RHD: variants seen among roughly 807,000 people sequenced by gnomAD.
The protein encoded by RHD is blood group Rh(D) polypeptide.
RHD carries 16 observed loss-of-function variants against 45.5 expected under a neutral mutation model. The observed-to-expected ratio is 0.35, with a 90% CI of 0.24 to 0.53. RHD has a LOEUF of 0.53. RHD is among the 20% of genes least tolerant of loss of function. The pLI is 0.92. For synonymous variants in RHD, 131 were observed against 217.5 expected (o/e 0.60, Z 3.50); for missense variants, 306 against 532.0 (o/e 0.58, Z 4.18).
chr1:25,313,378 A>G lies in RHD; in HGVS notation c.1074-3622A>G, dbSNP rs561866779. Among the ~76,000 whole-genome samples, 19 of 132,800 alleles carry G rather than the reference A, an allele frequency of 1.4e-4. 2 individuals carry two copies. The South Asian group carries it at 3.2e-3, about 22-fold the overall frequency. The allele number at this position is 132,800 out of a possible 152,430, so 87.1% of individuals were successfully genotyped here. On this transcript the variant is annotated intron_variant, in intron 7 of 9. Coordinates refer to ENST00000328664, the MANE Select transcript of RHD (RefSeq NM_016124.6). ...TGGTATTCTGTTATAGCAATAGAAA[A>G]TGAACTGAGATAATATACATGGAAT...
At chr1:25,287,369 G>A (rs554168517) in intron 2 of RHD, among the ~76,000 whole-genome samples, 2 of 135,476 alleles carry the variant, frequency 1.5e-5, no homozygotes, top group Admixed American at 7.1e-5. Context: ...AAGACGAGAA[G>A]GGAGAGAAGT....
At chr1:25,316,243 G>A (rs1471387315) in intron 7 of RHD, among the ~76,000 whole-genome samples, 1 of 129,644 alleles carries the variant, frequency 7.7e-6, no homozygotes, top group African/African-American at 2.7e-5. Context: ...GATGGGCAGG[G>A]GAGATGGGTC....
chr1:25,275,928 T>C (rs181156808), intron 1 of RHD, among the ~76,000 whole-genome samples: 1 of 133,006 alleles, frequency 7.5e-6, no homozygotes, highest in African/African-American at 2.6e-5. Flanking sequence ...ATTATTTCTA[T>C]GCTTCCAATC....
chr1:25,306,310 C>A (rs1643830193), intron 6 of RHD, among the ~76,000 whole-genome samples: 1 of 131,992 alleles, frequency 7.6e-6, no homozygotes, highest in South Asian at 2.3e-4. Context: ...CTACACTAGA[C>A]CCTTGCTACT....
rs550626341 is a variant in RHD, at chr1:25,320,530, AG to A, written c.1154-1358del. ...CTGCATGCCAATATCAGCTAAAAGC[AG>A]CACCACGAAAGGGAAATACGAATCT... On this transcript the variant is annotated intron_variant, in intron 8 of 9. Transcript: ENST00000328664. 8.3e-5 allele frequency among the ~76,000 whole-genome samples: 11 copies of A among 132,220 alleles called. No homozygotes were observed. In the South Asian group the frequency reaches 9.4e-4, roughly 11 times the overall value. The allele number at this position is 132,220 out of a possible 152,430, so 86.7% of individuals were successfully genotyped here.
In RHD at chr1:25,284,570, C is replaced by G; in HGVS notation, c.149-3C>G. The G allele has an allele frequency of 2.9e-6, 4 of 1,388,880 alleles. 1 individual carries two copies. Among genetic ancestry groups the G allele is most frequent in the Non-Finnish European group, 4.1e-6 (4 of 985,136 alleles). The allele number at this position is 1,388,880 out of a possible 1,614,324, so 86.0% of individuals were successfully genotyped here. A position where few individuals can be genotyped will look rare whatever the true frequency, so the allele number is the denominator to read the frequency against. ...TCCTTCTCGCCATCTCCCCACCGAGCAGTTGGCCAAGATCTGACCGTGATG... is the reference window on the plus strand; with the variant it reads ...TCCTTCTCGCCATCTCCCCACCGAGGAGTTGGCCAAGATCTGACCGTGATG... On this transcript the variant is annotated splice_region_variant and splice_polypyrimidine_tract_variant and intron_variant, in intron 1 of 9. Coordinates refer to ENST00000328664, the MANE Select transcript of RHD (RefSeq NM_016124.6).
Position 25,328,782 on chromosome 1 carries a change from T to G in RHD, c.1228-116T>G. On this transcript the variant is annotated intron_variant, in intron 9 of 9. Transcript: ENST00000328664. Reference sequence around the variant, plus strand: ...ATCCAAGATCTCTTCCAATTCAGATTTTATGAAAGAATTTCTAAGGTCTTT... The same window carrying G: ...ATCCAAGATCTCTTCCAATTCAGATGTTATGAAAGAATTTCTAAGGTCTTT... 1.2e-5 allele frequency: 6 copies of G among 496,668 alleles called. 1 individual carries two copies. Among genetic ancestry groups the G allele is most frequent in the Non-Finnish European group, 2.1e-5 (6 of 279,914 alleles). 30.8% of individuals were successfully genotyped at this position (496,668 alleles called of 1,614,324 possible). A position where few individuals can be genotyped will look rare whatever the true frequency, so the allele number is the denominator to read the frequency against.
chr1:25,303,531 C>T, intron 6 of RHD, 72 bp downstream of exon 6: 1 of 1,287,274 alleles, frequency 7.8e-7, no homozygotes, highest in Non-Finnish European at 1.1e-6. Flanking sequence ...TGATGGGCCA[C>T]TGTGCAGTGC....
At position 25,276,983 on chromosome 1, in the gene RHD, C is replaced by T. The variant is rs1317238957; in HGVS notation, c.148+4288C>T. On this transcript the variant is annotated intron_variant, in intron 1 of 9. Transcript: ENST00000328664. ...TTGGGAGGCTGAGGCAGGAGAATGG[C>T]GTGAACCCAGGAGGCGGAGCTTTCA... 6.1e-5 allele frequency among the ~76,000 whole-genome samples: 8 copies of T among 131,750 alleles called. 2 individuals carry two copies. The highest frequency in any genetic ancestry group is 4.6e-4 in the South Asian group (2 of 4,318). The allele number at this position is 131,750 out of a possible 152,430, so 86.4% of individuals were successfully genotyped here.
chr1:25,287,627 G>A lies in RHD; in HGVS notation c.335+2868G>A, dbSNP rs187623412. Among the ~76,000 whole-genome samples the A allele has an allele frequency of 3.2e-3, 428 of 135,556 alleles. 3 individuals are homozygous for A. Among genetic ancestry groups the A allele is most frequent in the African/African-American group, 9.8e-3 (387 of 39,350 alleles). 88.9% of individuals were successfully genotyped at this position (135,556 alleles called of 152,430 possible). On this transcript the variant is annotated intron_variant, in intron 2 of 9. Transcript: ENST00000328664. ...AGGGGAGGGGCCTATCTTATTCAAC[G>A]TTGTTGTTTGTTTTCCTCACATACT...
intron 7 of RHD, among the ~76,000 whole-genome samples, chr1:25,309,494 T>G (rs1303955339): frequency 7.6e-6 from 1 of 131,970 alleles, no homozygotes; most frequent in Non-Finnish European, 1.8e-5. Flanking sequence ...ATTTCCCTTC[T>G]ATTTCAAGCT....
Position 25,306,608 on chromosome 1 carries a change from C to A in RHD, c.952C>A (p.Arg318=), listed in dbSNP as rs760262848. 8 of 1,378,000 alleles carry A rather than the reference C, an allele frequency of 5.8e-6. 2 individuals carry two copies. Among genetic ancestry groups the A allele is most frequent in the Non-Finnish European group, 8.2e-6 (8 of 978,596 alleles). The allele number at this position is 1,378,000 out of a possible 1,614,324, so 85.4% of individuals were successfully genotyped here. A position where few individuals can be genotyped will look rare whatever the true frequency, so the allele number is the denominator to read the frequency against. ...GAKYLPGCCN[R]VLGIPHSSIM... ...CACTTGTCCACAGGGGTGTTGTAAC[C>A]GAGTGCTGGGGATTCCCCACAGCTC... Residue 318 remains arginine (R), a synonymous_variant, in exon 7 of 10, where the codon CGA becomes AGA. Coordinates refer to ENST00000328664, the MANE Select transcript of RHD (RefSeq NM_016124.6).
chr1:25,312,884 C>G (rs1167484022), intron 7 of RHD, among the ~76,000 whole-genome samples: 1 of 84,850 alleles, frequency 1.2e-5, no homozygotes, highest in African/African-American at 3.9e-5. Flanking sequence ...CATGCCACTG[C>G]ATTCCAGCCT....
rs1171433774 is a variant in RHD at position 25,316,618 on chromosome 1, G to GAA, written c.1074-365_1074-364dup. Among the ~76,000 whole-genome samples the GAA allele has an allele frequency of 6.8e-3, 278 of 40,628 alleles. 7 individuals are homozygous for GAA. The highest frequency in any genetic ancestry group is 0.014 in the African/African-American group (250 of 18,218). The allele number at this position is 40,628 out of a possible 152,430, so 26.7% of individuals were successfully genotyped here. On this transcript the variant is annotated intron_variant, in intron 7 of 9. Coordinates refer to ENST00000328664, the MANE Select transcript of RHD (RefSeq NM_016124.6). ...AGACTCCATCTCACAAACAAAAACA[G>GAA]AAAAAAAAAAAAAAAAAAGAGAGAG...
intron 1 of RHD, among the ~76,000 whole-genome samples, chr1:25,274,330 T>C (rs1345990093): frequency 1.5e-5 from 2 of 132,376 alleles, no homozygotes; most frequent in African/African-American, 5.2e-5. Context: ...CACTTAACCA[T>C]TATGCATCAT....
intron 7 of RHD, among the ~76,000 whole-genome samples, chr1:25,313,498 C>T (rs1405989135): frequency 3.0e-5 from 4 of 131,944 alleles, no homozygotes; most frequent in African/African-American, 1.0e-4. Flanking sequence ...ACCCTTTTTC[C>T]ACTGGGATAT....
intron 1 of RHD, among the ~76,000 whole-genome samples, chr1:25,274,499 G>T (rs1269761801): frequency 7.6e-6 from 1 of 132,420 alleles, no homozygotes; most frequent in Admixed American, 7.3e-5. Flanking sequence ...CACTTTATAC[G>T]GAAGCTCAGA....
At position 25,292,378 on chromosome 1, in the gene RHD, T is replaced by C. The variant is rs557059432; in HGVS notation, c.486+1587T>C. On this transcript the variant is annotated intron_variant, in intron 3 of 9. Coordinates refer to ENST00000328664, the MANE Select transcript of RHD (RefSeq NM_016124.6). The stretch of plus-strand genomic sequence containing the variant: ...AGGTGGAGACCAGAGCGGCAGTGAT[T>C]GCCATCATCCAGACTCAGACTAGGA... Among the ~76,000 whole-genome samples, 3 of 130,210 alleles carry C rather than the reference T, an allele frequency of 2.3e-5. 1 individual carries two copies. The highest frequency in any genetic ancestry group is 5.4e-5 in the Non-Finnish European group (3 of 55,420). 85.4% of individuals were successfully genotyped at this position (130,210 alleles called of 152,430 possible).
chr1:25,311,947 C>G (rs980223813), intron 7 of RHD, among the ~76,000 whole-genome samples: 1 of 129,846 alleles, frequency 7.7e-6, no homozygotes, highest in Non-Finnish European at 1.8e-5. Context: ...AGAGCAGGGT[C>G]TAGTGGAGCT....
Sources: gnomAD v4.1 joint callset for allele counts (sites outside exome capture counted in the v4.1 genomes callset) on GRCh38, gnomAD v4.1.1 for gene constraint, MANE v1.5 for transcripts, NCBI Gene and HGNC (gene_info 2026-07-23, HGNC 2026-07-21) for gene names.